The following ELOVL5 variants were observed in gnomAD, a reference collection of about 807,000 sequenced individuals.
ELOVL5 encodes ELOVL fatty acid elongase 5, also known as very long chain fatty acid elongase 5.
In ELOVL5, 8 loss-of-function variants were observed where a neutral mutation model predicts 38.6. The ratio of observed to expected loss-of-function variants is 0.21; its 90% confidence interval spans 0.12 to 0.37. ELOVL5 has a LOEUF of 0.37. Ranked by LOEUF, ELOVL5 falls within the 10% of genes least tolerant of loss-of-function variation. ELOVL5 has a pLI of 1.00. For synonymous variants in ELOVL5, 127 were observed against 133.7 expected (o/e 0.95, Z 0.34); for missense variants, 280 against 367.8 (o/e 0.76, Z 1.95).
intron 3 of ELOVL5, chr6:53,288,037 G>C: frequency 9.4e-7 from 1 of 1,059,866 alleles, no homozygotes; most frequent in Non-Finnish European, 1.4e-6. Context: ...CTTCACATGA[G>C]GACAGAGCAT....
At chr6:53,293,937 CT>C (rs915424048) in intron 2 of ELOVL5, among the ~76,000 whole-genome samples, 29 of 152,274 alleles carry the variant, frequency 1.9e-4, no homozygotes, top group African/African-American at 5.8e-4. Flanking sequence ...GCCCCAGGGA[CT>C]TTAAGGGGAT....
intron 1 of ELOVL5, among the ~76,000 whole-genome samples, chr6:53,331,676 G>C (rs1338027694): frequency 6.6e-6 from 1 of 152,166 alleles, no homozygotes; most frequent in African/African-American, 2.4e-5. Flanking sequence ...ATGAAACTTG[G>C]AGTACACCGA....
intron 1 of ELOVL5, among the ~76,000 whole-genome samples, chr6:53,310,812 C>T (rs746515743): frequency 4.6e-5 from 7 of 152,152 alleles, no homozygotes; most frequent in African/African-American, 1.2e-4. Flanking sequence ...CAACAAATTT[C>T]GAACTGTTAC....
At chr6:53,294,550 C>G in intron 2 of ELOVL5, 1 of 1,477,786 alleles carries the variant, frequency 6.8e-7, no homozygotes, top group Non-Finnish European at 9.0e-7. Flanking sequence ...ATCATACAGT[C>G]CCTGAAATAA....
intron 1 of ELOVL5, among the ~76,000 whole-genome samples, chr6:53,322,741 G>C (rs1768349721): frequency 2.6e-5 from 4 of 152,156 alleles, no homozygotes; most frequent in Admixed American, 2.6e-4. Flanking sequence ...GCAAAACATT[G>C]GTCAAGTACT....
chr6:53,340,216 G>C (rs1022637883), intron 1 of ELOVL5, among the ~76,000 whole-genome samples: 1 of 151,774 alleles, frequency 6.6e-6, no homozygotes, highest in Non-Finnish European at 1.5e-5. Flanking sequence ...TACAGTTTAT[G>C]TATTAAGGAA....
rs190581187 is a variant in ELOVL5 at position 53,267,447 on chromosome 6, T to C, written c.*1680A>G. On this transcript the variant is annotated 3_prime_UTR_variant, in exon 8 of 8. Coordinates refer to ENST00000304434, the MANE Select transcript of ELOVL5 (RefSeq NM_021814.5). ...TGATTACTGTTTAGACATTTAACAA[T>C]GTAGGTATATCCAGGTGAGCTAAGC... is the stretch of plus-strand genomic sequence containing the variant. 10 of 152,656 alleles carry C rather than the reference T, an allele frequency of 6.6e-5. No homozygotes were observed. The East Asian group carries it at 1.9e-3, about 29-fold the overall frequency. 9.5% of individuals were successfully genotyped at this position (152,656 alleles called of 1,614,324 possible). A position where few individuals can be genotyped will look rare whatever the true frequency, so the allele number is the denominator to read the frequency against.
chr6:53,277,301 T>C (rs1206724087), intron 3 of ELOVL5, among the ~76,000 whole-genome samples: 4 of 152,094 alleles, frequency 2.6e-5, no homozygotes, highest in South Asian at 2.1e-4. Context: ...ATCTTTCTTC[T>C]TGCCATTTTC....
At chr6:53,299,266 T>G (rs896703579) in intron 1 of ELOVL5, among the ~76,000 whole-genome samples, 10 of 152,190 alleles carry the variant, frequency 6.6e-5, no homozygotes, top group African/African-American at 2.4e-4. Flanking sequence ...GAGGAATATG[T>G]CTAACAAAAA....
chr6:53,303,358 T>G (rs903403910), intron 1 of ELOVL5, among the ~76,000 whole-genome samples: 2 of 152,234 alleles, frequency 1.3e-5, no homozygotes, highest in African/African-American at 4.8e-5. Flanking sequence ...CTCAAAAATA[T>G]CTACCGCACC....
At chr6:53,310,008 T>C (rs4431421) in intron 1 of ELOVL5, among the ~76,000 whole-genome samples, 49,904 of 152,076 alleles carry the variant, frequency 0.33, 8,571 homozygotes, top group African/African-American at 0.43. Flanking sequence ...TTGTTAACAA[T>C]AGATAAAAGC....
intron 1 of ELOVL5, among the ~76,000 whole-genome samples, chr6:53,298,579 G>A (rs1204230644): frequency 6.6e-6 from 1 of 152,076 alleles, no homozygotes; most frequent in Non-Finnish European, 1.5e-5. Context: ...GATTAAATAA[G>A]GTAATATAAA....
chr6:53,305,395 C>T (rs1298100737), intron 1 of ELOVL5, among the ~76,000 whole-genome samples: 1 of 150,138 alleles, frequency 6.7e-6, no homozygotes, highest in East Asian at 2.1e-4. Flanking sequence ...CCCCCACCTC[C>T]CTCCCGGGCG....
intron 5 of ELOVL5, among the ~76,000 whole-genome samples, chr6:53,273,744 T>G (rs965852355): frequency 1.3e-5 from 2 of 152,214 alleles, no homozygotes; most frequent in Non-Finnish European, 2.9e-5. Flanking sequence ...TGCTCAAAAA[T>G]GGTTGTTTCT....
intron 1 of ELOVL5, among the ~76,000 whole-genome samples, chr6:53,312,541 G>A (rs905564889): frequency 6.6e-6 from 1 of 152,208 alleles, no homozygotes; most frequent in African/African-American, 2.4e-5. Flanking sequence ...GGAAGAGGAT[G>A]TGGTTATGAA....
At chr6:53,336,385 C>T (rs925449766) in intron 1 of ELOVL5, among the ~76,000 whole-genome samples, 9 of 152,202 alleles carry the variant, frequency 5.9e-5, no homozygotes, top group African/African-American at 2.2e-4. Flanking sequence ...CCAGGCCAGG[C>T]ACAATGGCTC....
At chr6:53,285,683 A>G (rs2127571999) in intron 3 of ELOVL5, among the ~76,000 whole-genome samples, 1 of 152,300 alleles carries the variant, frequency 6.6e-6, no homozygotes, top group East Asian at 1.9e-4. Flanking sequence ...GTCATAGCTC[A>G]CCGGAACCTT....
At chr6:53,330,538 T>C (rs1167420523) in intron 1 of ELOVL5, among the ~76,000 whole-genome samples, 1 of 146,906 alleles carries the variant, frequency 6.8e-6, no homozygotes, top group Non-Finnish European at 1.5e-5. Flanking sequence ...TTTTTTTTTT[T>C]TTTAGGGACA....
chr6:53,305,371 C>T (rs1161519047), intron 1 of ELOVL5, among the ~76,000 whole-genome samples: 2 of 94,118 alleles, frequency 2.1e-5, no homozygotes, highest in Non-Finnish European at 4.0e-5. Context: ...GCTGGCCTGG[C>T]GGGGGCTGAC....
Sources: allele counts gnomAD v4.1 joint callset (sites outside exome capture counted in the v4.1 genomes callset), GRCh38; gene constraint gnomAD v4.1.1; transcripts MANE v1.5; gene names NCBI Gene and HGNC (gene_info 2026-07-23, HGNC 2026-07-21).